MTDH: variants seen among roughly 807,000 people sequenced by gnomAD.
MTDH encodes the protein protein LYRIC.
A neutral mutation model predicts 72.7 loss-of-function variants in MTDH; 34 were observed. The observed-to-expected ratio is 0.47, with a 90% CI of 0.36 to 0.62. The LOEUF (loss-of-function observed/expected upper bound fraction) is 0.62. Among genes scored for constraint, MTDH ranks in the 20% least tolerant of loss-of-function variants. The pLI is 0.00. For synonymous variants in MTDH, 266 were observed against 268.9 expected, an observed-to-expected ratio of 0.99 and a Z score of 0.10; for missense variants, 677 against 699.4, an observed-to-expected ratio of 0.97 and a Z score of 0.36.
At position 97,729,731 on chromosome 8, in the gene MTDH, ATCC is replaced by A. The variant is rs1291015229; in HGVS notation, c.*5066_*5068del. 1.3e-5 allele frequency among the ~76,000 whole-genome samples: 2 copies of A among 152,084 alleles called. No individual in the cohort carries two copies. The highest frequency in any genetic ancestry group is 3.8e-4 in the East Asian group (2 of 5,198). On this transcript the variant is annotated 3_prime_UTR_variant, in exon 12 of 12. Transcript: ENST00000336273. ...GGTCTCCAATTCCTGGGTTCAAGCAATCCTCCTGACTCAGCCTCCTAAATGCTG... is the reference window on the plus strand; with the variant it reads ...GGTCTCCAATTCCTGGGTTCAAGCAATCCTGACTCAGCCTCCTAAATGCTG...
intron 2 of MTDH, among the ~76,000 whole-genome samples, chr8:97,684,931 T>C (rs1813300359): frequency 1.3e-5 from 2 of 152,150 alleles, no homozygotes; most frequent in African/African-American, 4.8e-5. Context: ...ACAGATGTGG[T>C]GGTGGGCACC....
chr8:97,652,563 A>T (rs1811815806), intron 1 of MTDH, among the ~76,000 whole-genome samples: 1 of 152,182 alleles, frequency 6.6e-6, no homozygotes, highest in Non-Finnish European at 1.5e-5. Flanking sequence ...CCCTCCCCAG[A>T]TTGTAAACCG....
chr8:97,726,223 C>T lies in MTDH; in HGVS notation c.*1553C>T, dbSNP rs755303706. 2 of 152,614 alleles carry T rather than the reference C, an allele frequency of 1.3e-5. No individual in the cohort carries two copies. Among genetic ancestry groups the T allele is most frequent in the African/African-American group, 4.8e-5 (2 of 41,438 alleles). The allele number at this position is 152,614 out of a possible 1,614,324, so 9.5% of individuals were successfully genotyped here. A position where few individuals can be genotyped will look rare whatever the true frequency, so the allele number is the denominator to read the frequency against. ...TTTTATCAGGTGTTAACATCTGTTT[C>T]AGGAACATGGCAGTATGTTTACATG... is the stretch of plus-strand genomic sequence containing the variant. On this transcript the variant is annotated 3_prime_UTR_variant, in exon 12 of 12. Transcript: ENST00000336273.
rs1209529639 is a variant in MTDH at position 97,697,206 on chromosome 8, A to G, written c.1049-2548A>G. On this transcript the variant is annotated intron_variant, in intron 6 of 11. Transcript: ENST00000336273. ...TTGTAGTTCCGCAGCGTCTGGAATC[A>G]CTAACCTAGAAAGGGGGTCAGCAAA... 2.8e-5 allele frequency among the ~76,000 whole-genome samples: 4 copies of G among 141,140 alleles called. No individual in the cohort carries two copies. In the East Asian group the frequency reaches 8.3e-4, roughly 29 times the overall value. 92.6% of individuals were successfully genotyped at this position (141,140 alleles called of 152,430 possible).
At chr8:97,697,150 A>ATATATATATATATATATTTTTTTTT in intron 6 of MTDH, among the ~76,000 whole-genome samples, 1 of 68,796 alleles carries the variant, frequency 1.5e-5, no homozygotes, top group South Asian at 6.1e-4. Flanking sequence ...ATATATATAT[A>ATATATATATATATATATTTTTTTTT]TTTTTTTTTT....
chr8:97,676,984 G>A (rs1484742932), intron 2 of MTDH, among the ~76,000 whole-genome samples: 22 of 112,848 alleles, frequency 1.9e-4, no homozygotes, highest in Non-Finnish European at 2.7e-4. Flanking sequence ...CAGCCTGGGC[G>A]ACAGAGTGAG....
At chr8:97,704,947 A>T (rs940578470) in intron 7 of MTDH, among the ~76,000 whole-genome samples, 1 of 152,240 alleles carries the variant, frequency 6.6e-6, no homozygotes, top group Non-Finnish European at 1.5e-5. Flanking sequence ...GCACTGTCCC[A>T]GGAATAGATC....
intron 6 of MTDH, among the ~76,000 whole-genome samples, chr8:97,694,119 GC>G (rs1432464455): frequency 6.6e-6 from 1 of 152,002 alleles, no homozygotes; most frequent in Admixed American, 6.6e-5. Flanking sequence ...ATTTGAGGGA[GC>G]AATAGATACT....
chr8:97,657,490 T>C (rs1347963549), intron 1 of MTDH, among the ~76,000 whole-genome samples: 1 of 152,140 alleles, frequency 6.6e-6, no homozygotes, highest in Non-Finnish European at 1.5e-5. Context: ...AAAACTACTT[T>C]TTTTTTCTTT....
intron 2 of MTDH, 81 bp downstream of exon 2, chr8:97,661,254 G>A: frequency 1.9e-6 from 2 of 1,040,464 alleles, no homozygotes; most frequent in South Asian, 2.9e-5. Context: ...TGTTTCATAA[G>A]ATTGTATGTA....
intron 1 of MTDH, among the ~76,000 whole-genome samples, chr8:97,651,446 C>A: frequency 6.6e-6 from 1 of 152,054 alleles, no homozygotes; most frequent in East Asian, 1.9e-4. Context: ...CCAAAAAATG[C>A]AAAATATGTG....
chr8:97,705,216 GA>G (rs756705358), intron 7 of MTDH, among the ~76,000 whole-genome samples: 22 of 151,900 alleles, frequency 1.4e-4, no homozygotes, highest in Middle Eastern at 3.4e-3. Flanking sequence ...AGAATCGCTT[GA>G]ACCCGGGAGG....
At position 97,671,439 on chromosome 8, in the gene MTDH, C is replaced by T. The variant is rs1164547339; in HGVS notation, c.483+10266C>T. Among the ~76,000 whole-genome samples, 34 of 151,898 alleles carry T rather than the reference C, an allele frequency of 2.2e-4. 1 individual carries two copies. The highest frequency in any genetic ancestry group is 2.2e-3 in the Admixed American group (33 of 15,256). ...AGAATATAAAATCTGCCACTGTTCT[C>T]GCAAATTTTTTTTTGTTTTGAAAAA... On this transcript the variant is annotated intron_variant, in intron 2 of 11. Coordinates refer to ENST00000336273, the MANE Select transcript of MTDH (RefSeq NM_178812.4).
intron 2 of MTDH, among the ~76,000 whole-genome samples, chr8:97,683,694 A>G (rs1813233175): frequency 6.6e-6 from 1 of 152,078 alleles, no homozygotes; most frequent in Non-Finnish European, 1.5e-5. Flanking sequence ...GCACTCAGCA[A>G]TCTTAAACAC....
rs547554919 is a variant in MTDH, at chr8:97,673,157, T to G, written c.483+11984T>G. Among the ~76,000 whole-genome samples the G allele has an allele frequency of 5.5e-4, 83 of 152,264 alleles. 1 individual carries two copies. In the South Asian group the frequency reaches 0.016, roughly 29 times the overall value. On this transcript the variant is annotated intron_variant, in intron 2 of 11. Coordinates refer to ENST00000336273, the MANE Select transcript of MTDH (RefSeq NM_178812.4). Reference sequence around the variant, plus strand: ...GATAAAACAAGAGCCCCTACTCTTGTGAAACTTAGTCGGGAAAACAACTAA... The same window carrying G: ...GATAAAACAAGAGCCCCTACTCTTGGGAAACTTAGTCGGGAAAACAACTAA...
At chr8:97,651,893 T>C (rs959073159) in intron 1 of MTDH, among the ~76,000 whole-genome samples, 3 of 152,212 alleles carry the variant, frequency 2.0e-5, no homozygotes, top group Non-Finnish European at 4.4e-5. Context: ...AGTGGTAAAT[T>C]ACTCTACCAT....
chr8:97,650,685 A>C (rs1009155434), intron 1 of MTDH, among the ~76,000 whole-genome samples: 1 of 152,136 alleles, frequency 6.6e-6, no homozygotes, highest in Admixed American at 6.5e-5. Context: ...ACCTAGCATA[A>C]TGTTTCGTGT....
intron 6 of MTDH, chr8:97,696,058 A>G (rs892659476): frequency 2.7e-5 from 5 of 188,644 alleles, no homozygotes; most frequent in African/African-American, 1.2e-4. Context: ...TACGTAATAA[A>G]TATTCAGTAA....
At chr8:97,713,389 TGA>T (rs1294245065) in intron 8 of MTDH, among the ~76,000 whole-genome samples, 9 of 152,152 alleles carry the variant, frequency 5.9e-5, no homozygotes, top group Non-Finnish European at 1.3e-4. Flanking sequence ...CCAGCCTCAG[TGA>T]GTTTTTAAAA....
Sources: gnomAD v4.1 joint callset for allele counts (sites outside exome capture counted in the v4.1 genomes callset) on GRCh38, gnomAD v4.1.1 for gene constraint, MANE v1.5 for transcripts, NCBI Gene and HGNC (gene_info 2026-07-23, HGNC 2026-07-21) for gene names.